Variants in TPM4 observed in about 807,000 individuals in gnomAD.
TPM4 encodes tropomyosin alpha-4 chain.
A neutral mutation model predicts 35.8 loss-of-function variants in TPM4; 17 were observed. The observed-to-expected ratio is 0.47, with a 90% CI of 0.32 to 0.71. The LOEUF (loss-of-function observed/expected upper bound fraction) is 0.71. TPM4 is among the 30% of genes least tolerant of loss of function. The pLI is 0.03. For synonymous variants in TPM4, 120 were observed against 122.9 expected, an observed-to-expected ratio of 0.98 and a Z score of 0.15; for missense variants, 240 against 320.9, an observed-to-expected ratio of 0.75 and a Z score of 1.93.
intron 2 of TPM4, among the ~76,000 whole-genome samples, chr19:16,068,419 G>T (rs1456970641): frequency 4.6e-5 from 7 of 152,062 alleles, no homozygotes; most frequent in Admixed American, 2.6e-4. Flanking sequence ...CAAGTGATCC[G>T]CCCGCGTCTG....
At chr19:16,083,149 G>A (rs922022838) in intron 2 of TPM4, among the ~76,000 whole-genome samples, 4 of 152,156 alleles carry the variant, frequency 2.6e-5, no homozygotes, top group Non-Finnish European at 5.9e-5. Context: ...TAATGTACTT[G>A]CAACTGACCA....
rs530180719 is a variant in TPM4 at position 16,084,895 on chromosome 19, A to G, written c.267-1528A>G. ...CATATGGTCTCTGTGCTGGGTGGGA[A>G]TGATACATATCAATGACACATTATC... is the stretch of plus-strand genomic sequence containing the variant. On this transcript the variant is annotated intron_variant, in intron 2 of 7. Coordinates refer to ENST00000643579, the MANE Select transcript of TPM4 (RefSeq NM_003290.3). 2.6e-5 allele frequency among the ~76,000 whole-genome samples: 4 copies of G among 152,300 alleles called. No individual in the cohort carries two copies. The South Asian group carries it at 8.3e-4, about 32-fold the overall frequency.
At chr19:16,100,808 G>A (rs529424588) in intron 7 of TPM4, 1 of 158,412 alleles carries the variant, frequency 6.3e-6, no homozygotes, top group East Asian at 1.9e-4. Flanking sequence ...AACAGAGTGA[G>A]ACCCTGTCTC....
Position 16,093,706 on chromosome 19 carries a change from C to G in TPM4, c.617C>G (p.Ala206Gly), listed in dbSNP as rs571928779. 3 of 1,614,036 alleles carry G rather than the reference C, an allele frequency of 1.9e-6. No individual in the cohort carries two copies. In the East Asian group the frequency reaches 6.7e-5, roughly 36 times the overall value. ...LKEAETRAEF[A>G]ERTVAKLEKT... is the part of the protein sequence containing the mutation. ...TAGGCTGAGACCCGTGCTGAATTTGCAGAGAGAACGGTTGCAAAACTGGAA... is the reference window on the plus strand; with the variant it reads ...TAGGCTGAGACCCGTGCTGAATTTGGAGAGAGAACGGTTGCAAAACTGGAA... Residue 206 changes from alanine to glycine, a missense_variant, in exon 7 of 8, where the codon GCA (alanine) becomes GGA (glycine). Ala to Gly is a moderately conservative substitution (Grantham distance 60). Transcript: ENST00000643579.
At chr19:16,096,934 CTCTTTTTTTTT>C (rs2090705501) in intron 7 of TPM4, among the ~76,000 whole-genome samples, 1 of 59,806 alleles carries the variant, frequency 1.7e-5, no homozygotes, top group Non-Finnish European at 3.5e-5. Context: ...AACAAGGTCA[CTCTTTTTTTTT>C]TTTTTTTTTT....
At chr19:16,075,656 G>A (rs17554874), upstream of TPM4, 13,917 of 171,374 alleles carry the variant, frequency 0.081, 823 homozygotes, top group South Asian at 0.22. Flanking sequence ...TGGGGACAGG[G>A]ATGGGCGGAG....
chr19:16,072,945 A>G (rs2090368580), upstream of TPM4, among the ~76,000 whole-genome samples: 3 of 152,136 alleles, frequency 2.0e-5, no homozygotes, highest in South Asian at 6.2e-4. Context: ...CGCCCAACAC[A>G]TTCTAAATGC....
At chr19:16,069,659 T>G (rs2090336305) in intron 2 of TPM4, among the ~76,000 whole-genome samples, 1 of 151,038 alleles carries the variant, frequency 6.6e-6, no homozygotes, top group South Asian at 2.1e-4. Context: ...GGTGTGTGTG[T>G]GGATGAGTGT....
chr19:16,079,425 G>A (rs2090454268), intron 1 of TPM4, among the ~76,000 whole-genome samples: 1 of 152,142 alleles, frequency 6.6e-6, no homozygotes, highest in Non-Finnish European at 1.5e-5. Flanking sequence ...TTAAGATCTA[G>A]GCAATTAAAA....
At chr19:16,097,308 C>T (rs1389095091) in intron 7 of TPM4, among the ~76,000 whole-genome samples, 1 of 139,574 alleles carries the variant, frequency 7.2e-6, no homozygotes, top group African/African-American at 2.7e-5. Flanking sequence ...GAGTTTCGCT[C>T]TTGTTGCCCA....
intron 7 of TPM4, chr19:16,095,653 T>C: frequency 2.8e-5 from 27 of 954,840 alleles, no homozygotes; most frequent in Non-Finnish European, 3.3e-5. Flanking sequence ...AAATTATGCC[T>C]ACAGGATGCT....
chr19:16,093,974 T>TA (rs1249096374), intron 7 of TPM4, among the ~76,000 whole-genome samples: 1 of 146,312 alleles, frequency 6.8e-6, no homozygotes, highest in African/African-American at 2.5e-5. Flanking sequence ...TTTTTTTTTT[T>TA]CTATGAGACG....
At chr19:16,089,247 C>A in intron 5 of TPM4, 127 bp downstream of exon 5, 2 of 1,248,786 alleles carry the variant, frequency 1.6e-6, no homozygotes, top group Non-Finnish European at 2.2e-6. Flanking sequence ...TGGTGCCTGG[C>A]AGCCAGGGTT....
intron 2 of TPM4, among the ~76,000 whole-genome samples, chr19:16,069,121 G>A (rs35079274): frequency 0.18 from 27,281 of 152,188 alleles, 2,736 homozygotes; most frequent in South Asian, 0.28. Context: ...GTGTATCAGG[G>A]TGATGGGTTT....
Position 16,086,460 on chromosome 19 carries a change from G to A in TPM4, c.304G>A (p.Glu102Lys), listed in dbSNP as rs780671209. The A allele has an allele frequency of 6.2e-7, 1 of 1,613,782 alleles. No individual in the cohort carries two copies. Among genetic ancestry groups the A allele is most frequent in the Non-Finnish European group, 8.5e-7 (1 of 1,179,960 alleles). ...GATAGAAAACCGGGCCATGAAGGATGAGGAGAAGATGGAGATTCAGGAGAT... is the reference window on the plus strand; with the variant it reads ...GATAGAAAACCGGGCCATGAAGGATAAGGAGAAGATGGAGATTCAGGAGAT... Reference protein sequence around the residue: ...KVIENRAMKDEEKMEIQEMQL... With the variant: ...KVIENRAMKDKEKMEIQEMQL... Residue 102 changes from glutamate to lysine, a missense_variant, in exon 3 of 8, where the codon GAG becomes AAG. Transcript: ENST00000643579.
intron 2 of TPM4, among the ~76,000 whole-genome samples, chr19:16,069,440 AGTGT>A (rs567684583): frequency 9.1e-3 from 35 of 3,838 alleles, no homozygotes; most frequent in African/African-American, 0.054. Context: ...TGTGTGAATG[AGTGT>A]GTGTTTCTAT....
rs71178641 is a variant in TPM4 at position 16,096,936 on chromosome 19, C to CTTTTTTTTT, written c.664+3209_664+3217dup. 2.8e-3 allele frequency among the ~76,000 whole-genome samples: 195 copies of CTTTTTTTTT among 69,040 alleles called. 47 individuals are homozygous for CTTTTTTTTT. The highest frequency in any genetic ancestry group is 3.2e-3 in the Non-Finnish European group (122 of 37,706). The allele number at this position is 69,040 out of a possible 152,430, so 45.3% of individuals were successfully genotyped here. A position where few individuals can be genotyped will look rare whatever the true frequency, so the allele number is the denominator to read the frequency against. On this transcript the variant is annotated intron_variant, in intron 7 of 7. Transcript: ENST00000643579. ...GGAATATGGAGAAAACAAGGTCACTCTTTTTTTTTTTTTTTTTTTTTTTTT... is the reference window on the plus strand; with the variant it reads ...GGAATATGGAGAAAACAAGGTCACTCTTTTTTTTTTTTTTTTTTTTTTTTTTTTTTTTTT...
chr19:16,090,602 T>A (rs1726002032), intron 5 of TPM4, among the ~76,000 whole-genome samples: 2 of 152,162 alleles, frequency 1.3e-5, no homozygotes, highest in Admixed American at 1.3e-4. Context: ...CTGAGAGTCC[T>A]TCTCTGATTT....
upstream of TPM4, chr19:16,074,669 G>A (rs2090387176): frequency 6.6e-6 from 1 of 152,268 alleles, no homozygotes; most frequent in Non-Finnish European, 1.5e-5. Context: ...TGTGACCTGG[G>A]GAAAGTCATC....
Sources: allele counts gnomAD v4.1 joint callset (sites outside exome capture counted in the v4.1 genomes callset), GRCh38; gene constraint gnomAD v4.1.1; transcripts MANE v1.5; gene names NCBI Gene and HGNC (gene_info 2026-07-23, HGNC 2026-07-21).